The following ACACA variants were observed in gnomAD, a reference collection of about 807,000 sequenced individuals.
The protein encoded by ACACA is acetyl-CoA carboxylase 1.
ACACA carries 103 observed loss-of-function variants against 296.1 expected under a neutral mutation model. The ratio of observed to expected loss-of-function variants is 0.35; its 90% CI spans 0.30 to 0.41. The LOEUF is 0.41. ACACA is among the 10% of genes least tolerant of loss of function. The pLI is 1.00. For synonymous variants in ACACA, 953 were observed against 1,038.6 expected (o/e 0.92, Z 1.58); for missense variants, 1,554 against 2,989.7 (o/e 0.52, Z 11.20).
At chr17:37,279,285 G>A (rs538292277) in intron 5 of ACACA, among the ~76,000 whole-genome samples, 74 of 152,250 alleles carry the variant, frequency 4.9e-4, no homozygotes, top group Non-Finnish European at 8.4e-4. Flanking sequence ...AGGAAAGCAT[G>A]CAAATTATTA....
At chr17:37,172,356 C>CCAA (rs1393644600) in intron 41 of ACACA, among the ~76,000 whole-genome samples, 1 of 152,036 alleles carries the variant, frequency 6.6e-6, no homozygotes, top group Non-Finnish European at 1.5e-5. Context: ...ATCTCCAACA[C>CCAA]CAATAATAGT....
chr17:37,355,000 A>C (rs1279740638), intron 1 of ACACA, among the ~76,000 whole-genome samples: 1 of 152,150 alleles, frequency 6.6e-6, no homozygotes, highest in African/African-American at 2.4e-5. Context: ...TAATCCCAGC[A>C]CTTTGGGAGG....
chr17:37,250,536 G>A (rs932104266), intron 16 of ACACA, among the ~76,000 whole-genome samples: 4 of 152,054 alleles, frequency 2.6e-5, no homozygotes, highest in African/African-American at 9.7e-5. Context: ...TACTCATGTG[G>A]CTGAGGCAGG....
chr17:37,236,654 A>G (rs2080125029), intron 24 of ACACA, among the ~76,000 whole-genome samples: 1 of 152,066 alleles, frequency 6.6e-6, no homozygotes, highest in African/African-American at 2.4e-5. Context: ...GTGAAACCCC[A>G]TCTCTACTAA....
chr17:37,368,406 C>A (rs995512228), intron 1 of ACACA, among the ~76,000 whole-genome samples: 2 of 152,170 alleles, frequency 1.3e-5, no homozygotes, highest in East Asian at 1.9e-4. Flanking sequence ...CATGGTGAAA[C>A]CCTGTCTCTA....
chr17:37,344,554 T>G (rs1449896086), intron 1 of ACACA, among the ~76,000 whole-genome samples: 2 of 151,260 alleles, frequency 1.3e-5, no homozygotes, highest in African/African-American at 4.9e-5. Context: ...CGAGACTCCT[T>G]CTCAAAAAAA....
At chr17:37,236,298 G>C (rs1488329806) in intron 24 of ACACA, among the ~76,000 whole-genome samples, 7 of 152,114 alleles carry the variant, frequency 4.6e-5, no homozygotes, top group Non-Finnish European at 8.8e-5. Context: ...GACACATTTA[G>C]ACCAAAAGGG....
chr17:37,188,544 C>T (rs1216667503), intron 38 of ACACA, 64 bp from the exon 39 acceptor site: 3 of 1,555,722 alleles, frequency 1.9e-6, no homozygotes, highest in African/African-American at 2.7e-5. Flanking sequence ...TGTTTCAGGT[C>T]TGCTCATATT....
intron 19 of ACACA, 22 bp from the exon 20 acceptor site, chr17:37,245,236 A>T: frequency 6.2e-7 from 1 of 1,612,044 alleles, no homozygotes; most frequent in Non-Finnish European, 8.5e-7. Flanking sequence ...AATAAACTAG[A>T]CTCAGATTTA....
chr17:37,167,389 G>A (rs963182893), intron 41 of ACACA, among the ~76,000 whole-genome samples: 1 of 150,702 alleles, frequency 6.6e-6, no homozygotes, highest in Non-Finnish European at 1.5e-5. Flanking sequence ...TGCAATCTTG[G>A]CTTGCTGCAA....
At chr17:37,253,575 T>A (rs1048115786) in intron 14 of ACACA, among the ~76,000 whole-genome samples, 1 of 152,128 alleles carries the variant, frequency 6.6e-6, no homozygotes, top group African/African-American at 2.4e-5. Flanking sequence ...CTAACTGATA[T>A]TACCATAAGA....
At chr17:37,175,325 T>A (rs1300058166) in intron 41 of ACACA, among the ~76,000 whole-genome samples, 4 of 152,254 alleles carry the variant, frequency 2.6e-5, no homozygotes, top group African/African-American at 9.6e-5. Context: ...TAGCCTGAGC[T>A]TTTTAATAAC....
At chr17:37,104,660 G>A (rs1018459852) in intron 52 of ACACA, among the ~76,000 whole-genome samples, 4 of 152,194 alleles carry the variant, frequency 2.6e-5, no homozygotes, top group Admixed American at 6.5e-5. Flanking sequence ...GGTGAAGAGA[G>A]GCTGGACACG....
intron 2 of ACACA, among the ~76,000 whole-genome samples, chr17:37,331,854 G>C (rs1451641070): frequency 6.6e-6 from 1 of 151,358 alleles, no homozygotes. Flanking sequence ...TGAATTTTAC[G>C]TATGTGTATA....
intron 5 of ACACA, among the ~76,000 whole-genome samples, chr17:37,282,875 C>A (rs1462860124): frequency 6.6e-6 from 1 of 152,186 alleles, no homozygotes; most frequent in Non-Finnish European, 1.5e-5. Context: ...AAAAAAAAAT[C>A]TTAACCCAAA....
chr17:37,379,783 T>A (rs1186996907), intron 1 of ACACA, among the ~76,000 whole-genome samples: 2 of 149,312 alleles, frequency 1.3e-5, no homozygotes, highest in Non-Finnish European at 3.0e-5. Context: ...CAACAGGTGC[T>A]GGAGAGGATG....
chr17:37,191,581 G>A (rs2077752433), intron 37 of ACACA, among the ~76,000 whole-genome samples: 1 of 152,154 alleles, frequency 6.6e-6, no homozygotes, highest in Admixed American at 6.5e-5. Context: ...ATGCCAAACA[G>A]AGCTATTTAG....
At chr17:37,103,242 C>T (rs961662451) in intron 52 of ACACA, among the ~76,000 whole-genome samples, 1 of 151,962 alleles carries the variant, frequency 6.6e-6, no homozygotes, top group Non-Finnish European at 1.5e-5. Context: ...TTAAAAGTGG[C>T]GTCTATAAAG....
chr17:37,100,979 C>T (rs905176454), intron 52 of ACACA, among the ~76,000 whole-genome samples: 6 of 151,998 alleles, frequency 3.9e-5, no homozygotes, highest in Non-Finnish European at 7.4e-5. Flanking sequence ...TGCTTGCCAT[C>T]CCAGCTACTC....
Sources: gnomAD v4.1 joint callset for allele counts (sites outside exome capture counted in the v4.1 genomes callset) on GRCh38, gnomAD v4.1.1 for gene constraint, MANE v1.5 for transcripts, NCBI Gene and HGNC (gene_info 2026-07-23, HGNC 2026-07-21) for gene names.